SYNPO: variants seen among roughly 807,000 people sequenced by gnomAD.
The protein encoded by SYNPO is synaptopodin.
A neutral mutation model predicts 49.5 loss-of-function variants in SYNPO; 19 were observed. The ratio of observed to expected loss-of-function variants is 0.38; its 90% CI spans 0.27 to 0.56. The LOEUF (loss-of-function observed/expected upper bound fraction) is 0.56, where lower values mean the gene tolerates loss of function less well. SYNPO is among the 20% of genes least tolerant of loss of function. The pLI, the probability that SYNPO is intolerant of heterozygous loss-of-function variation, is 0.68. For synonymous variants in SYNPO, 536 were observed against 548.0 expected (o/e 0.98, Z 0.31); for missense variants, 1,131 against 1,248.3 (o/e 0.91, Z 1.42).
chr5:150,633,005 C>T (rs1757593057), intron 2 of SYNPO, among the ~76,000 whole-genome samples: 2 of 152,164 alleles, frequency 1.3e-5, no homozygotes, highest in South Asian at 2.1e-4. Context: ...ACCCCTCGAC[C>T]TGGGAAATGA....
Position 150,649,584 on chromosome 5 carries a change from C to G in SYNPO, c.1309C>G (p.Arg437Gly), listed in dbSNP as rs34838671. ...CAACTTCCAGCAGGAGCCAGCACCTCGTGACAGGGCCAGCCCCGCGGCGGC... is the reference window on the plus strand; with the variant it reads ...CAACTTCCAGCAGGAGCCAGCACCTGGTGACAGGGCCAGCCCCGCGGCGGC... ...ASNFQQEPAP[R>G]DRASPAAAEE... is the part of the protein sequence containing the mutation. The change falls in exon 2 of 3, where the codon CGT (arginine) becomes GGT (glycine). Residue 437 changes from arginine to glycine, a missense_variant. Physicochemically the swap from Arg to Gly is moderately radical, Grantham distance 125. Coordinates refer to ENST00000307662, the MANE Select transcript of SYNPO (RefSeq NM_007286.6). 2 of 1,610,154 alleles carry G rather than the reference C, an allele frequency of 1.2e-6. No individual in the cohort carries two copies. Among genetic ancestry groups the G allele is most frequent in the African/African-American group, 2.7e-5 (2 of 74,970 alleles).
chr5:150,649,856 G>A lies in SYNPO; in HGVS notation c.1581G>A (p.Gly527=), dbSNP rs200011015. The change falls in exon 2 of 3, where the codon GGG becomes GGA. Residue 527 remains glycine, a synonymous_variant. Coordinates refer to ENST00000307662, the MANE Select transcript of SYNPO (RefSeq NM_007286.6). ...SSWKYPTNAP[G]AFRVASRSPA... ...GGAAATACCCCACTAACGCCCCCGG[G>A]GCCTTCCGAGTGGCATCCCGAAGCC... is the stretch of plus-strand genomic sequence containing the variant. 41 of 1,608,756 alleles carry A rather than the reference G, an allele frequency of 2.5e-5. No individual in the cohort carries two copies. The South Asian group carries it at 4.4e-4, about 17-fold the overall frequency.
chr5:150,606,541 G>GC (rs1756697277), intron 1 of SYNPO, among the ~76,000 whole-genome samples: 1 of 152,240 alleles, frequency 6.6e-6, no homozygotes, highest in Non-Finnish European at 1.5e-5. Context: ...GCCGAACCAT[G>GC]CTGCCACACT....
In SYNPO at chr5:150,658,026, T is replaced by C. The variant is rs1758637012; in HGVS notation, c.*939T>C. 6.6e-6 allele frequency: 1 copy of C among 152,416 alleles called. No homozygotes were observed. The highest frequency in any genetic ancestry group is 1.5e-5 in the Non-Finnish European group (1 of 68,078). 9.4% of individuals were successfully genotyped at this position (152,416 alleles called of 1,614,324 possible). A position where few individuals can be genotyped will look rare whatever the true frequency, so the allele number is the denominator to read the frequency against. ...AGAGCTACCATGTGACTTTACCTGATTGCCCTCAGTTTGGGGTTGCTTATT... is the reference window on the plus strand; with the variant it reads ...AGAGCTACCATGTGACTTTACCTGACTGCCCTCAGTTTGGGGTTGCTTATT... On this transcript the variant is annotated 3_prime_UTR_variant, in exon 3 of 3. Coordinates refer to ENST00000307662, the MANE Select transcript of SYNPO (RefSeq NM_007286.6).
upstream of SYNPO, among the ~76,000 whole-genome samples, chr5:150,600,806 G>A (rs897841323): frequency 2.0e-5 from 3 of 152,040 alleles, no homozygotes; most frequent in Non-Finnish European, 2.9e-5. Context: ...GTGTCGCTGG[G>A]GGCTTTTTCT....
At chr5:150,637,842 A>G (rs1019085430), upstream of SYNPO, among the ~76,000 whole-genome samples, 10 of 152,246 alleles carry the variant, frequency 6.6e-5, no homozygotes, top group Middle Eastern at 0.01. Context: ...AGCTGCTGAG[A>G]CAGATGGCAG....
chr5:150,594,411 C>T, the SYNPO span, among the ~76,000 whole-genome samples: 1 of 152,212 alleles, frequency 6.6e-6, no homozygotes, highest in Non-Finnish European at 1.5e-5. Context: ...CAGAGCAAAT[C>T]CTCAAGCTGG....
chr5:150,638,768 C>A (rs1034598883), upstream of SYNPO, among the ~76,000 whole-genome samples: 1 of 152,250 alleles, frequency 6.6e-6, no homozygotes, highest in Non-Finnish European at 1.5e-5. Context: ...GAAACCACCT[C>A]TTTCCCTGCC....
At chr5:150,639,032 C>T (rs1358515901), upstream of SYNPO, among the ~76,000 whole-genome samples, 1 of 152,196 alleles carries the variant, frequency 6.6e-6, no homozygotes, top group Non-Finnish European at 1.5e-5. Flanking sequence ...CTCAGCTTGC[C>T]TCTCTCTGGG....
intron 2 of SYNPO, chr5:150,650,937 C>G: frequency 7.9e-7 from 1 of 1,257,938 alleles, no homozygotes; most frequent in Admixed American, 3.8e-5. Context: ...CTGCGCTCCC[C>G]TCCAGGGTCC....
At chr5:150,609,588 C>G (rs748157201) in intron 1 of SYNPO, among the ~76,000 whole-genome samples, 2 of 152,262 alleles carry the variant, frequency 1.3e-5, no homozygotes, top group Non-Finnish European at 2.9e-5. Context: ...AGCCATCATG[C>G]CTGGCTGGTT....
chr5:150,654,851 C>T (rs551591989), intron 2 of SYNPO, among the ~76,000 whole-genome samples: 11 of 152,318 alleles, frequency 7.2e-5, no homozygotes, highest in East Asian at 1.9e-4. Context: ...GTCGGCCAGG[C>T]GCGGTGGCTC....
upstream of SYNPO, among the ~76,000 whole-genome samples, chr5:150,597,116 G>C (rs1335385174): frequency 1.3e-5 from 2 of 152,170 alleles, no homozygotes; most frequent in African/African-American, 4.8e-5. Flanking sequence ...GGGGGACAGT[G>C]GGCTTTGGAG....
chr5:150,622,018 T>G (rs898586763), intron 2 of SYNPO, among the ~76,000 whole-genome samples: 1 of 152,174 alleles, frequency 6.6e-6, no homozygotes, highest in Non-Finnish European at 1.5e-5. Flanking sequence ...AGACTCTGAG[T>G]GCCAGAGATG....
upstream of SYNPO, among the ~76,000 whole-genome samples, chr5:150,637,921 C>A (rs1412982081): frequency 6.6e-6 from 1 of 152,118 alleles, no homozygotes; most frequent in East Asian, 1.9e-4. Flanking sequence ...ATGTAACCCA[C>A]CCGGAGGCCC....
rs1027718600 is a variant in SYNPO, at chr5:150,658,903, C to T, written c.*1816C>T. 1 of 152,328 alleles carries T rather than the reference C, an allele frequency of 6.6e-6. No homozygotes were observed. Among genetic ancestry groups the T allele is most frequent in the African/African-American group, 2.4e-5 (1 of 41,428 alleles). 9.4% of individuals were successfully genotyped at this position (152,328 alleles called of 1,614,324 possible). ...ATGAGTGACTATATTTACCAAAGCC[C>T]CTACCTGCTGCTGGGTCCCTTGTAG... On this transcript the variant is annotated 3_prime_UTR_variant, in exon 3 of 3. Transcript: ENST00000307662.
In SYNPO at chr5:150,649,072, G is replaced by A. The variant is rs1460598685; in HGVS notation, c.797G>A (p.Gly266Glu). Reference sequence around the variant, plus strand: ...CCCATGCTAGAGAGACGACATTTTGGGGAGAAGGCCCCGGCTCCCCAGCCC... The same window carrying A: ...CCCATGCTAGAGAGACGACATTTTGAGGAGAAGGCCCCGGCTCCCCAGCCC... ...RSPMLERRHF[G>E]EKAPAPQPPS... The change falls in exon 2 of 3, where the codon GGG becomes GAG. Residue 266 changes from glycine to glutamate, a missense_variant. Gly to Glu is a moderately conservative substitution (Grantham distance 98). Coordinates refer to ENST00000307662, the MANE Select transcript of SYNPO (RefSeq NM_007286.6). 1 of 1,613,952 alleles carries A rather than the reference G, an allele frequency of 6.2e-7. No homozygotes were observed.
chr5:150,606,691 C>G (rs761558431), intron 1 of SYNPO, among the ~76,000 whole-genome samples: 13 of 152,212 alleles, frequency 8.5e-5, no homozygotes, highest in Non-Finnish European at 1.5e-4. Flanking sequence ...TGCCCACAGT[C>G]ACAAGGGTTG....
chr5:150,655,284 T>A (rs147214954), intron 2 of SYNPO, among the ~76,000 whole-genome samples: 2 of 152,336 alleles, frequency 1.3e-5, no homozygotes, highest in East Asian at 3.9e-4. Context: ...AGAGCCAGGT[T>A]CCCCTGCCTC....
Sources: gnomAD v4.1 joint callset for allele counts (sites outside exome capture counted in the v4.1 genomes callset) on GRCh38, gnomAD v4.1.1 for gene constraint, MANE v1.5 for transcripts, NCBI Gene and HGNC (gene_info 2026-07-23, HGNC 2026-07-21) for gene names.